IQSEC1: variants seen among roughly 807,000 people sequenced by gnomAD.
IQSEC1 encodes the protein IQ motif and SEC7 domain-containing protein 1.
In IQSEC1, 31 loss-of-function variants were observed where a neutral mutation model predicts 91.0. The ratio of observed to expected loss-of-function variants is 0.34; its 90% CI spans 0.26 to 0.46. IQSEC1 has a LOEUF of 0.46. Among genes scored for constraint, IQSEC1 ranks in the 20% least tolerant of loss-of-function variants. The probability of loss-of-function intolerance (pLI) is 1.00; values close to 1 mark genes in which losing one functional copy is unlikely to be tolerated. For synonymous variants in IQSEC1, 699 were observed against 662.6 expected (o/e 1.05, Z -0.84); for missense variants, 1,388 against 1,575.6 (o/e 0.88, Z 2.02).
chr3:13,005,510 GAGGC>G (rs77275253), intron 1 of IQSEC1, among the ~76,000 whole-genome samples: 12 of 152,176 alleles, frequency 7.9e-5, no homozygotes, highest in South Asian at 2.1e-4. Flanking sequence ...GGTGACCACG[GAGGC>G]AGGCAGGCAG....
chr3:13,144,587 C>T (rs929415604), intron 2 of IQSEC1, among the ~76,000 whole-genome samples: 10 of 152,240 alleles, frequency 6.6e-5, no homozygotes, highest in African/African-American at 1.9e-4. Flanking sequence ...CCTTAAGAGA[C>T]TTTACTCCCC....
chr3:12,978,558 T>C (rs1701298754), intron 1 of IQSEC1, among the ~76,000 whole-genome samples: 2 of 151,784 alleles, frequency 1.3e-5, no homozygotes, highest in South Asian at 2.1e-4. Context: ...CTACAAAAAT[T>C]AGCCGGGCGT....
chr3:12,977,299 GA>G (rs762438163), intron 1 of IQSEC1, among the ~76,000 whole-genome samples: 79 of 151,718 alleles, frequency 5.2e-4, no homozygotes, highest in Non-Finnish European at 9.3e-4. Context: ...AGTGAGCCAT[GA>G]TTGCACCACT....
rs1023356736 is a variant in IQSEC1, at chr3:12,983,153, C to T, written c.24-41288G>A. On this transcript the variant is annotated intron_variant, in intron 1 of 13. Coordinates refer to ENST00000613206, the MANE Select transcript of IQSEC1 (RefSeq NM_001134382.3). This position sits in a 1 kb window ranked among gnomAD's most constrained non-coding sequence, Gnocchi z 4.3. ...GACAGGGACTTTATGGCCAGCATTC[C>T]GCTGGCCCCAGCTGCATAATCCAGA... 1.3e-5 allele frequency among the ~76,000 whole-genome samples: 2 copies of T among 152,228 alleles called. No homozygotes were observed. Among genetic ancestry groups the T allele is most frequent in the Non-Finnish European group, 2.9e-5 (2 of 68,048 alleles).
intron 1 of IQSEC1, among the ~76,000 whole-genome samples, chr3:13,270,513 C>A (rs988664922): frequency 1.3e-5 from 2 of 152,182 alleles, no homozygotes; most frequent in Non-Finnish European, 2.9e-5. Flanking sequence ...CTGGGGCCTG[C>A]CACTTTCTGG....
chr3:13,047,586 G>A, intron 1 of IQSEC1: 1 of 882,916 alleles, frequency 1.1e-6, no homozygotes, highest in Non-Finnish European at 1.4e-6. Flanking sequence ...CCCCTTGGGG[G>A]CCATGTCCAC....
At chr3:13,064,374 T>C (rs1705168587) in intron 1 of IQSEC1, among the ~76,000 whole-genome samples, 1 of 152,120 alleles carries the variant, frequency 6.6e-6, no homozygotes, top group South Asian at 2.1e-4. Context: ...TCCACACACA[T>C]ATTTAAAACA....
At position 13,103,953 on chromosome 3, in the gene IQSEC1, G is replaced by A. The variant is rs977836670; in HGVS notation, c.303-56431C>T. ...ATCTTCACGGCACTCCCTGAGGTGGGTGCTACTAGTATCTTCATTTTATAG... is the reference window on the plus strand; with the variant it reads ...ATCTTCACGGCACTCCCTGAGGTGGATGCTACTAGTATCTTCATTTTATAG... On this transcript the variant is annotated intron_variant, in intron 2 of 15. Transcript: ENST00000648114. This position sits in a 1 kb window ranked among gnomAD's most constrained non-coding sequence, Gnocchi z 4.1. 6.6e-6 allele frequency among the ~76,000 whole-genome samples: 1 copy of A among 152,184 alleles called. No individual in the cohort carries two copies. Among genetic ancestry groups the A allele is most frequent in the Non-Finnish European group, 1.5e-5 (1 of 68,032 alleles).
chr3:13,233,812 C>T (rs768528460), intron 1 of IQSEC1, among the ~76,000 whole-genome samples: 5 of 152,200 alleles, frequency 3.3e-5, no homozygotes, highest in South Asian at 4.1e-4. Context: ...GAGCAAAGCC[C>T]GGCTCCCTGC....
At chr3:12,907,378 TGGG>T (rs1220064755) in intron 12 of IQSEC1, among the ~76,000 whole-genome samples, 5 of 151,878 alleles carry the variant, frequency 3.3e-5, no homozygotes, top group Admixed American at 2.0e-4. Flanking sequence ...ACCCCAGGAA[TGGG>T]GGGGTCTTCC....
At chr3:12,964,290 T>C (rs1700421516) in intron 1 of IQSEC1, among the ~76,000 whole-genome samples, 1 of 92,948 alleles carries the variant, frequency 1.1e-5, no homozygotes, top group Admixed American at 1.3e-4. Context: ...CATTTGAGCA[T>C]ACTCCCCCTA....
intron 2 of IQSEC1, among the ~76,000 whole-genome samples, chr3:13,093,396 CAG>C (rs1389395494): frequency 6.6e-6 from 1 of 152,138 alleles, no homozygotes; most frequent in Non-Finnish European, 1.5e-5. Flanking sequence ...TTCAGTGATG[CAG>C]AGTTTATGTC....
chr3:13,261,141 G>A, intron 1 of IQSEC1, among the ~76,000 whole-genome samples: 1 of 152,346 alleles, frequency 6.6e-6, no homozygotes, highest in Middle Eastern at 3.4e-3. Context: ...CACTGGGGAG[G>A]CCGCCCAGGC....
Position 13,141,318 on chromosome 3 carries a change from T to A in IQSEC1, c.302+22786A>T, listed in dbSNP as rs17833286. On this transcript the variant is annotated intron_variant, in intron 2 of 15. Coordinates refer to the IQSEC1 transcript ENST00000648114. ...ATTTAAAGACAAGAGGCAGCCTCGATGTGCACAGGGTAGCAGATGAGAGAT... is the reference window on the plus strand; with the variant it reads ...ATTTAAAGACAAGAGGCAGCCTCGAAGTGCACAGGGTAGCAGATGAGAGAT... Among the ~76,000 whole-genome samples the A allele has an allele frequency of 7.6e-3, 1,154 of 152,328 alleles. 11 individuals are homozygous for A. Among genetic ancestry groups the A allele is most frequent in the South Asian group, 0.033 (160 of 4,824 alleles).
rs574680318 is a variant in IQSEC1, at chr3:12,921,591, G to A, written c.1853+529C>T. Among the ~76,000 whole-genome samples the A allele has an allele frequency of 2.4e-3, 362 of 152,380 alleles. 1 individual carries two copies. Among genetic ancestry groups the A allele is most frequent in the Non-Finnish European group, 4.1e-3 (279 of 68,040 alleles). On this transcript the variant is annotated intron_variant, in intron 5 of 13. Coordinates refer to ENST00000613206, the MANE Select transcript of IQSEC1 (RefSeq NM_001134382.3). ...ACCTCTTTCTAGGGTATGTGCTACTGTTATTCAATTTCACAGGTGAAGAAA... is the reference window on the plus strand; with the variant it reads ...ACCTCTTTCTAGGGTATGTGCTACTATTATTCAATTTCACAGGTGAAGAAA...
At chr3:13,062,771 G>A (rs1366575634) in intron 1 of IQSEC1, among the ~76,000 whole-genome samples, 1 of 152,170 alleles carries the variant, frequency 6.6e-6, no homozygotes, top group Non-Finnish European at 1.5e-5. Flanking sequence ...TAAGATACAG[G>A]CAGTGAATTT....
intron 2 of IQSEC1, among the ~76,000 whole-genome samples, chr3:13,102,672 C>T (rs572379075): frequency 1.3e-5 from 2 of 152,308 alleles, no homozygotes; most frequent in Non-Finnish European, 2.9e-5. Flanking sequence ...CATGCTCCCA[C>T]TGTCAACTGC....
In IQSEC1 at chr3:12,908,662, A is replaced by G; in HGVS notation, c.2579-137T>C. On this transcript the variant is annotated intron_variant, in intron 11 of 13. Coordinates refer to ENST00000613206, the MANE Select transcript of IQSEC1 (RefSeq NM_001134382.3). This position sits in a 1 kb window ranked among gnomAD's most constrained non-coding sequence, Gnocchi z 4.9. ...TGGGGAAGGGTTGTTTCTGGGAAAG[A>G]GGGTGTGATGGCCACCCTGGACAAA... 1.1e-6 allele frequency: 1 copy of G among 952,084 alleles called. No homozygotes were observed. The highest frequency in any genetic ancestry group is 1.6e-6 in the Non-Finnish European group (1 of 629,792). 59.0% of individuals were successfully genotyped at this position (952,084 alleles called of 1,614,324 possible). A position where few individuals can be genotyped will look rare whatever the true frequency, so the allele number is the denominator to read the frequency against.
In IQSEC1 at chr3:12,967,488, G is replaced by T. The variant is rs1486772822; in HGVS notation, c.24-25623C>A. ...TGGGAGCGGGCCGGGCCGGGAGCCG[G>T]GACCCAGGCCCAGCAGAGGCCGCCG... On this transcript the variant is annotated intron_variant, in intron 1 of 13. Transcript: ENST00000613206. This position sits in a 1 kb window ranked among gnomAD's most constrained non-coding sequence, Gnocchi z 5.9. The T allele has an allele frequency of 1.3e-6, 2 of 1,495,430 alleles. No individual in the cohort carries two copies. Among genetic ancestry groups the T allele is most frequent in the Non-Finnish European group, 1.8e-6 (2 of 1,128,436 alleles). The allele number at this position is 1,495,430 out of a possible 1,614,324, so 92.6% of individuals were successfully genotyped here.
Sources: gnomAD v4.1 joint callset for allele counts (sites outside exome capture counted in the v4.1 genomes callset) on GRCh38, gnomAD v4.1.1 for gene constraint, Gnocchi (gnomAD v3.1) non-coding constraint, MANE v1.5 for transcripts, NCBI Gene and HGNC (gene_info 2026-07-23, HGNC 2026-07-21) for gene names.